MEGF11: variants seen among roughly 807,000 people sequenced by gnomAD.
The protein encoded by MEGF11 is multiple EGF like domains 11, also known as multiple epidermal growth factor-like domains protein 11.
MEGF11 carries 126 observed loss-of-function variants against 146.6 expected under a neutral mutation model. That is an observed-to-expected ratio of 0.86 (90% CI 0.74 to 1.00). The LOEUF is 1.00. Among genes scored for constraint, MEGF11 ranks in the 50% least tolerant of loss-of-function variants. The pLI is 0.00. For synonymous variants in MEGF11, 532 were observed against 583.4 expected, an observed-to-expected ratio of 0.91 and a Z score of 1.27; for missense variants, 1,509 against 1,521.2, an observed-to-expected ratio of 0.99 and a Z score of 0.13.
chr15:66,203,802 A>G (rs2091230077), intron 1 of MEGF11, among the ~76,000 whole-genome samples: 1 of 152,248 alleles, frequency 6.6e-6, no homozygotes. Flanking sequence ...TTTAATATGG[A>G]TTAGATACTA....
chr15:66,156,641 G>A (rs1371227386), intron 1 of MEGF11, among the ~76,000 whole-genome samples: 2 of 151,968 alleles, frequency 1.3e-5, no homozygotes, highest in Non-Finnish European at 2.9e-5. Flanking sequence ...TTCCTCTGTG[G>A]CTGTGCACCC....
At position 65,982,805 on chromosome 15, in the gene MEGF11, G is replaced by A. The variant is rs1231884949; in HGVS notation, c.395-317C>T. Among the ~76,000 whole-genome samples, 1 of 152,046 alleles carries A rather than the reference G, an allele frequency of 6.6e-6. No homozygotes were observed. Among genetic ancestry groups the A allele is most frequent in the Non-Finnish European group, 1.5e-5 (1 of 68,026 alleles). ...CCCCCCTCTCCTGTATTGAAATTCC[G>A]GAGCCACAAGCTGTTTACATCCCTC... On this transcript the variant is annotated intron_variant, in intron 5 of 25. Transcript: ENST00000395614. This position sits in a 1 kb window ranked among gnomAD's most constrained non-coding sequence, Gnocchi z 5.6.
intron 4 of MEGF11, among the ~76,000 whole-genome samples, chr15:66,105,936 G>A (rs1221937268): frequency 6.6e-6 from 1 of 152,192 alleles, no homozygotes; most frequent in Non-Finnish European, 1.5e-5. Context: ...AGATTTGGGA[G>A]TTTTCCTCTC....
At chr15:66,103,735 G>T (rs1355665854) in intron 4 of MEGF11, among the ~76,000 whole-genome samples, 1 of 152,184 alleles carries the variant, frequency 6.6e-6, no homozygotes, top group Non-Finnish European at 1.5e-5. Context: ...CTATTTTGTA[G>T]ATGAGGAAAG....
At chr15:65,957,959 G>A (rs889735981) in intron 9 of MEGF11, among the ~76,000 whole-genome samples, 1 of 152,198 alleles carries the variant, frequency 6.6e-6, no homozygotes, top group Non-Finnish European at 1.5e-5. Flanking sequence ...ACAGCAAGGA[G>A]AAGTCAAGAG....
At chr15:66,170,125 T>C (rs2090207709) in intron 1 of MEGF11, among the ~76,000 whole-genome samples, 1 of 152,200 alleles carries the variant, frequency 6.6e-6, no homozygotes, top group South Asian at 2.1e-4. Flanking sequence ...AATAACCTCT[T>C]CTCTATAATC....
rs1268654798 is a variant in MEGF11 at position 65,895,809 on chromosome 15, A to C, written c.*2125T>G. The C allele has an allele frequency of 6.6e-6, 1 of 152,348 alleles. No individual in the cohort carries two copies. Among genetic ancestry groups the C allele is most frequent in the African/African-American group, 2.4e-5 (1 of 41,428 alleles). 9.4% of individuals were successfully genotyped at this position (152,348 alleles called of 1,614,324 possible). A position where few individuals can be genotyped will look rare whatever the true frequency, so the allele number is the denominator to read the frequency against. On this transcript the variant is annotated 3_prime_UTR_variant, in exon 26 of 26. Transcript: ENST00000395614. ...TGCTTCTCCCCTTTTTATGCATAGGAAAAAAGGGAGCCCAGAGAGGGCGAC... is the reference window on the plus strand; with the variant it reads ...TGCTTCTCCCCTTTTTATGCATAGGCAAAAAGGGAGCCCAGAGAGGGCGAC...
intron 5 of MEGF11, among the ~76,000 whole-genome samples, chr15:66,094,055 C>T (rs1028348010): frequency 3.3e-5 from 5 of 152,178 alleles, no homozygotes; most frequent in South Asian, 2.1e-4. Context: ...GGCTAGACGA[C>T]GGCGACCTCC....
intron 1 of MEGF11, among the ~76,000 whole-genome samples, chr15:66,159,634 T>C (rs2089881874): frequency 6.6e-6 from 1 of 152,148 alleles, no homozygotes; most frequent in African/African-American, 2.4e-5. Flanking sequence ...GATTCAGTCA[T>C]GAGCATTGGT....
rs760914804 is a variant in MEGF11 at position 65,980,844 on chromosome 15, G to A, written c.696C>T (p.Cys232=). 38 of 1,599,542 alleles carry A rather than the reference G, an allele frequency of 2.4e-5. No homozygotes were observed. The South Asian group carries it at 3.3e-4, about 14-fold the overall frequency. The change falls in exon 7 of 26, where the codon TGC becomes TGT. Residue 232 remains cysteine (C), a synonymous_variant. Coordinates refer to ENST00000395614, the MANE Select transcript of MEGF11 (RefSeq NM_001385028.1). ...GSHGAHCELR[C]PCQNGGTCHH... is the part of the protein sequence containing the mutation. ...GGCAGGTGCCCCCATTCTGACAGGG[G>A]CAGCGCAGCTCACAGTGAGCTCCAT... is the stretch of plus-strand genomic sequence containing the variant.
intron 5 of MEGF11, among the ~76,000 whole-genome samples, chr15:66,047,792 A>G (rs2084273479): frequency 6.6e-6 from 1 of 152,004 alleles, no homozygotes; most frequent in African/African-American, 2.4e-5. Flanking sequence ...TGCCTGCTCT[A>G]CAGGGACGTC....
chr15:66,099,225 T>TA (rs2086684480), intron 4 of MEGF11, among the ~76,000 whole-genome samples: 1 of 142,838 alleles, frequency 7.0e-6, no homozygotes, highest in Non-Finnish European at 1.5e-5. Context: ...TTTTTTTTGA[T>TA]ATGGAGTCTT....
intron 10 of MEGF11, among the ~76,000 whole-genome samples, chr15:65,933,086 TTC>T (rs995775815): frequency 6.6e-6 from 1 of 152,058 alleles, no homozygotes; most frequent in African/African-American, 2.4e-5. Context: ...ACGGAGAGGC[TTC>T]TCTCCAGCCC....
chr15:66,168,995 A>G (rs2090172653), intron 1 of MEGF11, among the ~76,000 whole-genome samples: 1 of 152,238 alleles, frequency 6.6e-6, no homozygotes, highest in South Asian at 2.1e-4. Context: ...CTCAAAAAAT[A>G]AAATAAAATA....
chr15:65,956,336 G>A (rs1282249664), intron 10 of MEGF11, among the ~76,000 whole-genome samples: 1 of 152,332 alleles, frequency 6.6e-6, no homozygotes, highest in Non-Finnish European at 1.5e-5. Context: ...GAACCTGCAA[G>A]TGAACAAGGA....
At chr15:66,097,948 TTGTC>T (rs2086623327) in intron 4 of MEGF11, among the ~76,000 whole-genome samples, 3 of 152,214 alleles carry the variant, frequency 2.0e-5, no homozygotes, top group South Asian at 2.1e-4. Flanking sequence ...CAGGGTCTGT[TTGTC>T]TGTCTGTGAA....
intron 1 of MEGF11, among the ~76,000 whole-genome samples, chr15:66,200,224 G>T (rs1336096252): frequency 6.6e-6 from 1 of 152,204 alleles, no homozygotes; most frequent in Non-Finnish European, 1.5e-5. Context: ...CCTGCTTTAC[G>T]GAATCACAGC....
At chr15:66,128,270 CAG>C in intron 2 of MEGF11, 34 bp downstream of exon 2, 1 of 1,384,012 alleles carries the variant, frequency 7.2e-7, no homozygotes, top group Non-Finnish European at 9.6e-7. Flanking sequence ...GGCGATCCCC[CAG>C]AGAGTGCCTG....
chr15:66,104,302 C>A (rs969378472), intron 4 of MEGF11, among the ~76,000 whole-genome samples: 1 of 152,168 alleles, frequency 6.6e-6, no homozygotes, highest in Non-Finnish European at 1.5e-5. Context: ...GCAGTTAAGT[C>A]TTTAGAAGAA....
Sources: gnomAD v4.1 joint callset for allele counts (sites outside exome capture counted in the v4.1 genomes callset) on GRCh38, gnomAD v4.1.1 for gene constraint, Gnocchi (gnomAD v3.1) non-coding constraint, MANE v1.5 for transcripts, NCBI Gene and HGNC (gene_info 2026-07-23, HGNC 2026-07-21) for gene names.